Variants in MARCHF1 observed in about 807,000 individuals in gnomAD.
The protein encoded by MARCHF1 is E3 ubiquitin-protein ligase MARCHF1.
MARCHF1 carries 40 observed loss-of-function variants against 54.2 expected under a neutral mutation model. The ratio of observed to expected loss-of-function variants is 0.74; its 90% CI spans 0.57 to 0.96. The LOEUF (loss-of-function observed/expected upper bound fraction) is 0.96. MARCHF1 is among the 40% of genes least tolerant of loss of function. The pLI, the probability that MARCHF1 is intolerant of heterozygous loss-of-function variation, is 0.00. For synonymous variants in MARCHF1, 236 were observed against 236.3 expected, an observed-to-expected ratio of 1.00 and a Z score of 0.01; for missense variants, 586 against 656.5, an observed-to-expected ratio of 0.89 and a Z score of 1.17.
chr4:163,586,098 G>C (rs1334737009), intron 7 of MARCHF1, among the ~76,000 whole-genome samples, 169 bp from the exon 8 acceptor site: 3 of 152,114 alleles, frequency 2.0e-5, no homozygotes, highest in Admixed American at 2.0e-4. Context: ...TGATCAATAC[G>C]GATTGAGCAT....
At chr4:164,101,780 TGAGAG>T (rs1755567853) in intron 2 of MARCHF1, among the ~76,000 whole-genome samples, 1 of 146,426 alleles carries the variant, frequency 6.8e-6, no homozygotes, top group Admixed American at 6.9e-5. Context: ...TTTGACGAGC[TGAGAG>T]AAGAAGGCTT....
At chr4:163,960,106 A>T (rs996849681) in intron 3 of MARCHF1, among the ~76,000 whole-genome samples, 1 of 152,086 alleles carries the variant, frequency 6.6e-6, no homozygotes, top group Non-Finnish European at 1.5e-5. Flanking sequence ...CCACAGTGAG[A>T]TACCATCTCA....
chr4:164,115,733 A>G (rs1338347685), intron 1 of MARCHF1, among the ~76,000 whole-genome samples: 4 of 152,128 alleles, frequency 2.6e-5, no homozygotes, highest in African/African-American at 7.2e-5. Flanking sequence ...GATAATTCAA[A>G]TGTTTCAATA....
chr4:163,556,724 A>C (rs928072138), intron 8 of MARCHF1, among the ~76,000 whole-genome samples: 1 of 152,138 alleles, frequency 6.6e-6, no homozygotes, highest in Non-Finnish European at 1.5e-5. Context: ...GGATATAATA[A>C]TACTTTAAAA....
chr4:164,294,496 A>G (rs1734363316), intron 1 of MARCHF1, among the ~76,000 whole-genome samples: 1 of 152,154 alleles, frequency 6.6e-6, no homozygotes, highest in South Asian at 2.1e-4. Context: ...CAACTCTGGA[A>G]TATACTTTTT....
At chr4:164,324,475 AC>A (rs1387593717) in intron 1 of MARCHF1, among the ~76,000 whole-genome samples, 1 of 151,568 alleles carries the variant, frequency 6.6e-6, no homozygotes, top group Non-Finnish European at 1.5e-5. Flanking sequence ...AATATATAAA[AC>A]TTTGATGAAC....
intron 5 of MARCHF1, among the ~76,000 whole-genome samples, chr4:163,627,650 C>A (rs764672413): frequency 6.6e-6 from 1 of 151,228 alleles, no homozygotes; most frequent in East Asian, 1.9e-4. Flanking sequence ...AAGATGATGA[C>A]AAATGTTCTT....
chr4:163,610,086 A>G (rs1741282571), intron 7 of MARCHF1, among the ~76,000 whole-genome samples: 1 of 151,950 alleles, frequency 6.6e-6, no homozygotes, highest in Non-Finnish European at 1.5e-5. Flanking sequence ...TATTTTTCTC[A>G]GCCCCAGTAC....
At chr4:164,244,801 A>C (rs1732888099) in intron 1 of MARCHF1, among the ~76,000 whole-genome samples, 1 of 152,174 alleles carries the variant, frequency 6.6e-6, no homozygotes, top group African/African-American at 2.4e-5. Flanking sequence ...ACAGAAATAC[A>C]AAGTACCATC....
In MARCHF1 at chr4:163,633,627, A is replaced by G. The variant is rs62334285; in HGVS notation, c.163-20234T>C. On this transcript the variant is annotated intron_variant, in intron 5 of 9. Transcript: ENST00000514618. ...GACCAAATCTACGTCTGATTGGTAT[A>G]CCTGAAAGTGATGGGGAGAATGGAA... is the stretch of plus-strand genomic sequence containing the variant. 6.3e-3 allele frequency among the ~76,000 whole-genome samples: 962 copies of G among 152,348 alleles called. 12 individuals carry two copies. Among genetic ancestry groups the G allele is most frequent in the South Asian group, 0.053 (256 of 4,826 alleles).
At chr4:164,291,972 G>A (rs1344417497) in intron 1 of MARCHF1, among the ~76,000 whole-genome samples, 1 of 151,940 alleles carries the variant, frequency 6.6e-6, no homozygotes, top group Non-Finnish European at 1.5e-5. Context: ...TATTGATGTT[G>A]TCATACATTT....
At chr4:163,981,601 C>T (rs935325038) in intron 3 of MARCHF1, among the ~76,000 whole-genome samples, 2 of 152,268 alleles carry the variant, frequency 1.3e-5, no homozygotes, top group Admixed American at 1.3e-4. Context: ...TGGGAATGAG[C>T]TGGGGGGAAA....
chr4:163,697,407 T>G (rs1444232951), intron 5 of MARCHF1, among the ~76,000 whole-genome samples: 2 of 152,176 alleles, frequency 1.3e-5, no homozygotes, highest in African/African-American at 4.8e-5. Flanking sequence ...GTCTCATGCC[T>G]GTTATGTGAA....
chr4:164,007,697 G>A lies in MARCHF1; in HGVS notation c.-247-18988C>T, dbSNP rs1277259733. On this transcript the variant is annotated intron_variant, in intron 2 of 9. Coordinates refer to ENST00000514618, the MANE Select transcript of MARCHF1 (RefSeq NM_001394959.1). ...GTGTGTGTGTGTGTGTGTTTGCCCT[G>A]GTTTCTTTCTATTTTTCTATTTGTG... 2.8e-5 allele frequency among the ~76,000 whole-genome samples: 4 copies of A among 140,374 alleles called. 1 individual carries two copies. The allele number at this position is 140,374 out of a possible 152,430, so 92.1% of individuals were successfully genotyped here. A position where few individuals can be genotyped will look rare whatever the true frequency, so the allele number is the denominator to read the frequency against.
intron 5 of MARCHF1, among the ~76,000 whole-genome samples, chr4:163,678,104 C>A (rs1461627720): frequency 6.6e-6 from 1 of 152,194 alleles, no homozygotes; most frequent in Non-Finnish European, 1.5e-5. Flanking sequence ...ATTATCAGTG[C>A]AACTATAAGC....
intron 4 of MARCHF1, among the ~76,000 whole-genome samples, chr4:163,735,733 G>GC (rs767706432): frequency 1.3e-5 from 2 of 151,466 alleles, no homozygotes; most frequent in East Asian, 3.9e-4. Flanking sequence ...TCAAACCACA[G>GC]CAAGTGCTAA....
chr4:164,210,650 AAGTTC>A (rs1004486050), intron 1 of MARCHF1, among the ~76,000 whole-genome samples: 1 of 152,070 alleles, frequency 6.6e-6, no homozygotes, highest in African/African-American at 2.4e-5. Context: ...ATGAGTGGAT[AAGTTC>A]AGTTAAGGAC....
chr4:163,572,599 T>G (rs537961368), intron 8 of MARCHF1, among the ~76,000 whole-genome samples: 11 of 152,254 alleles, frequency 7.2e-5, no homozygotes, highest in African/African-American at 2.4e-4. Context: ...TTAAAATACT[T>G]ATCATTCCCT....
At chr4:164,364,182 G>T (rs967412534) in intron 1 of MARCHF1, among the ~76,000 whole-genome samples, 2 of 152,022 alleles carry the variant, frequency 1.3e-5, no homozygotes, top group African/African-American at 4.8e-5. Context: ...GTCAGTCAGA[G>T]AAAAGTTCTG....
Sources: gnomAD v4.1 joint callset for allele counts (sites outside exome capture counted in the v4.1 genomes callset) on GRCh38, gnomAD v4.1.1 for gene constraint, MANE v1.5 for transcripts, NCBI Gene and HGNC (gene_info 2026-07-23, HGNC 2026-07-21) for gene names.